Variants in CTNND2 observed in about 807,000 individuals in gnomAD.
CTNND2 encodes the protein catenin delta-2.
CTNND2 carries 22 observed loss-of-function variants against 144.4 expected under a neutral mutation model. The ratio of observed to expected loss-of-function variants is 0.15; its 90% confidence interval spans 0.11 to 0.22. CTNND2 has a LOEUF of 0.22. Among genes scored for constraint, CTNND2 ranks in the 10% least tolerant of loss-of-function variants. CTNND2 has a pLI of 1.00. For synonymous variants in CTNND2, 751 were observed against 695.6 expected (o/e 1.08, Z -1.25); for missense variants, 1,353 against 1,618.8 (o/e 0.84, Z 2.82).
intron 3 of CTNND2, among the ~76,000 whole-genome samples, chr5:11,485,857 T>C (rs537934662): frequency 1.3e-5 from 2 of 152,170 alleles, no homozygotes; most frequent in Non-Finnish European, 2.9e-5. Context: ...AGAAAGGTCT[T>C]TCTAAACAAG....
At chr5:11,039,227 A>G (rs1744413224) in intron 16 of CTNND2, among the ~76,000 whole-genome samples, 1 of 152,220 alleles carries the variant, frequency 6.6e-6, no homozygotes, top group Admixed American at 6.5e-5. Context: ...ATCTGTGACA[A>G]TGTGATTACC....
chr5:11,812,502 C>T (rs968668075), intron 1 of CTNND2, among the ~76,000 whole-genome samples: 8 of 152,088 alleles, frequency 5.3e-5, no homozygotes, highest in African/African-American at 1.7e-4. Flanking sequence ...CCTTTTCTAT[C>T]CCATTTGTTA....
At chr5:11,454,988 C>A (rs528745291) in intron 3 of CTNND2, among the ~76,000 whole-genome samples, 1 of 150,450 alleles carries the variant, frequency 6.6e-6, no homozygotes, top group Admixed American at 6.7e-5. Context: ...AAATGGAATG[C>A]TGGCAAATAA....
At chr5:11,702,594 G>A (rs1459870205) in intron 2 of CTNND2, among the ~76,000 whole-genome samples, 2 of 152,110 alleles carry the variant, frequency 1.3e-5, no homozygotes, top group African/African-American at 2.4e-5. Context: ...GAATTGCAAA[G>A]ACAATTACAA....
At chr5:11,561,056 C>A (rs953220557) in intron 3 of CTNND2, among the ~76,000 whole-genome samples, 1 of 152,192 alleles carries the variant, frequency 6.6e-6, no homozygotes, top group Non-Finnish European at 1.5e-5. Context: ...GCTCATTAAG[C>A]TGCCGGATAA....
In CTNND2 at chr5:11,888,361, C is replaced by A. The variant is rs557284930; in HGVS notation, c.37+15456G>T. 3.9e-5 allele frequency among the ~76,000 whole-genome samples: 6 copies of A among 152,274 alleles called. No individual in the cohort carries two copies. The East Asian group carries it at 1.2e-3, about 29-fold the overall frequency. On this transcript the variant is annotated intron_variant, in intron 1 of 21. Coordinates refer to ENST00000304623, the MANE Select transcript of CTNND2 (RefSeq NM_001332.4). ...CTGTGGCAGAGAGTGACTGCGTGCA[C>A]CCCATTCCCCAGGGCCAACGTACTA...
intron 1 of CTNND2, among the ~76,000 whole-genome samples, chr5:11,877,085 G>C (rs1735624819): frequency 1.3e-5 from 2 of 152,094 alleles, no homozygotes; most frequent in African/African-American, 4.8e-5. Context: ...TTATTTTTGT[G>C]TCAGAAATGG....
chr5:11,462,623 A>C (rs1299328418), intron 3 of CTNND2, among the ~76,000 whole-genome samples: 1 of 152,210 alleles, frequency 6.6e-6, no homozygotes, highest in Admixed American at 6.5e-5. Flanking sequence ...CAAGAAATCT[A>C]AAGCTAAAAA....
intron 3 of CTNND2, among the ~76,000 whole-genome samples, chr5:11,537,142 G>A (rs1774281914): frequency 6.6e-6 from 1 of 151,934 alleles, no homozygotes; most frequent in South Asian, 2.1e-4. Context: ...GATACAAGCA[G>A]AAGATACTAT....
At chr5:11,237,191 T>G (rs1206928276) in intron 9 of CTNND2, among the ~76,000 whole-genome samples, 3 of 151,886 alleles carry the variant, frequency 2.0e-5, no homozygotes, top group African/African-American at 7.3e-5. Context: ...GGCCAATTTT[T>G]TGTATTTTTA....
intron 11 of CTNND2, among the ~76,000 whole-genome samples, chr5:11,166,870 C>T (rs1440515229): frequency 1.3e-5 from 2 of 152,062 alleles, no homozygotes; most frequent in East Asian, 3.9e-4. Context: ...AGATGGAAAA[C>T]ATTCCTATAC....
At chr5:11,126,824 C>A (rs1754722253) in intron 12 of CTNND2, among the ~76,000 whole-genome samples, 1 of 152,316 alleles carries the variant, frequency 6.6e-6, no homozygotes, top group South Asian at 2.1e-4. Flanking sequence ...TTTTCCTTCA[C>A]ACTTACAGCA....
chr5:11,445,406 A>G (rs1355882776), intron 3 of CTNND2, among the ~76,000 whole-genome samples: 1 of 152,170 alleles, frequency 6.6e-6, no homozygotes, highest in Admixed American at 6.5e-5. Context: ...GGACTTCAAC[A>G]TGTCGTTCTA....
intron 1 of CTNND2, among the ~76,000 whole-genome samples, chr5:11,851,892 T>C (rs936660862): frequency 1.6e-4 from 25 of 152,258 alleles, no homozygotes; most frequent in African/African-American, 6.0e-4. Context: ...ATGCAGTCGA[T>C]GCTTTCTAGA....
chr5:11,001,878 C>T (rs1739999967), intron 18 of CTNND2, among the ~76,000 whole-genome samples: 1 of 152,154 alleles, frequency 6.6e-6, no homozygotes, highest in African/African-American at 2.4e-5. Context: ...TCCTCTTTAA[C>T]CGGTCTGGAA....
chr5:11,384,357 T>G lies in CTNND2; in HGVS notation c.1177+308A>C, dbSNP rs745895245. On this transcript the variant is annotated intron_variant, in intron 7 of 21. Coordinates refer to ENST00000304623, the MANE Select transcript of CTNND2 (RefSeq NM_001332.4). The surrounding 1 kb of genome is among the most constrained non-coding windows in gnomAD (Gnocchi z 5.2). Reference sequence around the variant, plus strand: ...TCAACAGGTCTATGGGATGCTTTCCTAAATGTGTCTTACTTTTATGAGTTA... The same window carrying G: ...TCAACAGGTCTATGGGATGCTTTCCGAAATGTGTCTTACTTTTATGAGTTA... 6.6e-6 allele frequency among the ~76,000 whole-genome samples: 1 copy of G among 152,220 alleles called. No homozygotes were observed. Among genetic ancestry groups the G allele is most frequent in the African/African-American group, 2.4e-5 (1 of 41,458 alleles).
chr5:11,684,392 G>A (rs571882736), intron 2 of CTNND2, among the ~76,000 whole-genome samples: 2 of 152,156 alleles, frequency 1.3e-5, no homozygotes, highest in South Asian at 2.1e-4. Context: ...GTGAGCCACC[G>A]CAGCCGGCCT....
At position 10,992,555 on chromosome 5, in the gene CTNND2, G is replaced by A; in HGVS notation, c.3207C>T (p.Arg1069=). ...CTAGCCACGGCAGCCTCTTACCTGA[G>A]CGGTTGTTGGGAGACACGCGCACAG... ...ISPVRVSPNN[R]SASAPASPRE... Residue 1069 remains arginine (R), a synonymous_variant, in exon 19 of 22, where the codon CGC becomes CGT. Transcript: ENST00000304623. 2 of 1,614,018 alleles carry A rather than the reference G, an allele frequency of 1.2e-6. No individual in the cohort carries two copies. The highest frequency in any genetic ancestry group is 2.2e-5 in the South Asian group (2 of 91,078).
At chr5:11,475,449 T>C (rs1170207419) in intron 3 of CTNND2, among the ~76,000 whole-genome samples, 3 of 152,238 alleles carry the variant, frequency 2.0e-5, no homozygotes, top group East Asian at 3.9e-4. Context: ...GCATTTATTA[T>C]GTACCTAATT....
Sources: allele counts gnomAD v4.1 joint callset (sites outside exome capture counted in the v4.1 genomes callset), GRCh38; gene constraint gnomAD v4.1.1; non-coding constraint Gnocchi (gnomAD v3.1); transcripts MANE v1.5; gene names NCBI Gene and HGNC (gene_info 2026-07-23, HGNC 2026-07-21).